ROBO1: variants seen among roughly 807,000 people sequenced by gnomAD.
ROBO1 encodes roundabout guidance receptor 1.
A neutral mutation model predicts 195.9 loss-of-function variants in ROBO1; 149 were observed. That is an observed-to-expected ratio of 0.76 (90% CI 0.67 to 0.87). The LOEUF is 0.87. ROBO1 is among the 40% of genes least tolerant of loss of function. The pLI, the probability that ROBO1 is intolerant of heterozygous loss-of-function variation, is 0.00. For synonymous variants in ROBO1, 816 were observed against 733.2 expected (o/e 1.11, Z -1.82); for missense variants, 1,933 against 2,068.3 (o/e 0.93, Z 1.27).
At chr3:79,317,518 T>C (rs532153386) in intron 2 of ROBO1, among the ~76,000 whole-genome samples, 2 of 152,276 alleles carry the variant, frequency 1.3e-5, no homozygotes, top group African/African-American at 4.8e-5. Flanking sequence ...GTCTACAGGA[T>C]AAAATGAAAA....
At chr3:78,639,979 C>T in intron 21 of ROBO1, 81 bp from the exon 22 acceptor site, 2 of 1,161,940 alleles carry the variant, frequency 1.7e-6, no homozygotes, top group Non-Finnish European at 2.4e-6. Context: ...ATAAATTCCT[C>T]ATCTTGTTAT....
At chr3:78,637,548 T>G (rs1705597072) in intron 22 of ROBO1, among the ~76,000 whole-genome samples, 1 of 152,118 alleles carries the variant, frequency 6.6e-6, no homozygotes, top group Admixed American at 6.6e-5. Context: ...AGGGACTGAG[T>G]TTTAAACTAT....
chr3:79,488,555 A>C (rs1939280931), intron 2 of ROBO1, among the ~76,000 whole-genome samples: 1 of 152,226 alleles, frequency 6.6e-6, no homozygotes. Context: ...AATAAAAAGA[A>C]TAGAAATCAT....
Position 78,693,449 on chromosome 3 carries a change from ATTC to A in ROBO1, c.1046-4680_1046-4678del, listed in dbSNP as rs2081220124. On this transcript the variant is annotated intron_variant, in intron 8 of 30. Coordinates refer to ENST00000464233, the MANE Select transcript of ROBO1 (RefSeq NM_002941.4). ...AGTAATAAGATTTGACTTAACAATGATTCTTCTTTTAAGATAAAGAACATGTTA... is the reference window on the plus strand; with the variant it reads ...AGTAATAAGATTTGACTTAACAATGATTCTTTTAAGATAAAGAACATGTTA... 50 of 925,750 alleles carry A rather than the reference ATTC, an allele frequency of 5.4e-5. 1 individual carries two copies. In the South Asian group the frequency reaches 7.0e-4, roughly 13 times the overall value. 57.3% of individuals were successfully genotyped at this position (925,750 alleles called of 1,614,324 possible). A position where few individuals can be genotyped will look rare whatever the true frequency, so the allele number is the denominator to read the frequency against.
In ROBO1 at chr3:78,659,809, TATTAA is replaced by T; in HGVS notation, c.2321-7_2321-3del. The T allele has an allele frequency of 3.1e-6, 5 of 1,599,772 alleles. No homozygotes were observed. Among genetic ancestry groups the T allele is most frequent in the Non-Finnish European group, 4.3e-6 (5 of 1,173,434 alleles). On this transcript the variant is annotated splice_region_variant and splice_polypyrimidine_tract_variant and intron_variant, in intron 16 of 30. Transcript: ENST00000464233. ...CACCTTGGGGTGGGGCACTGGGTGC[TATTAA>T]ATTGTTTTAAAAGGTAGGTTATTAG... is the stretch of plus-strand genomic sequence containing the variant.
chr3:79,736,178 C>G (rs1290499633), intron 1 of ROBO1, among the ~76,000 whole-genome samples: 2 of 152,194 alleles, frequency 1.3e-5, no homozygotes, highest in Admixed American at 1.3e-4. Context: ...TGGAGAGAAG[C>G]ATTTCAGGTA....
chr3:79,667,773 AT>A (rs1946515934), intron 1 of ROBO1, among the ~76,000 whole-genome samples: 1 of 151,736 alleles, frequency 6.6e-6, no homozygotes, highest in African/African-American at 2.4e-5. Flanking sequence ...CACTACCTTC[AT>A]TTGTATTTTT....
chr3:78,956,910 T>C (rs2041077204), intron 3 of ROBO1, among the ~76,000 whole-genome samples: 1 of 151,970 alleles, frequency 6.6e-6, no homozygotes, highest in Admixed American at 6.6e-5. Flanking sequence ...GTGGTATAAA[T>C]ACAAGAATTA....
intron 3 of ROBO1, among the ~76,000 whole-genome samples, chr3:78,989,163 C>CT (rs35919793): frequency 1.3e-5 from 2 of 151,856 alleles, no homozygotes; most frequent in Admixed American, 1.3e-4. Context: ...TTTCAAATAG[C>CT]TAGAAGGAGG....
At chr3:78,906,872 A>G (rs946167918) in intron 4 of ROBO1, among the ~76,000 whole-genome samples, 15 of 151,838 alleles carry the variant, frequency 9.9e-5, no homozygotes, top group Non-Finnish European at 1.8e-4. Flanking sequence ...AAATTTTTTG[A>G]AAAAAAAGAC....
intron 25 of ROBO1, among the ~76,000 whole-genome samples, chr3:78,628,761 C>T (rs1704986688): frequency 1.3e-5 from 2 of 152,144 alleles, no homozygotes; most frequent in African/African-American, 4.8e-5. Flanking sequence ...CCTACTTATC[C>T]AAACTAGAAA....
At chr3:79,524,302 C>A (rs1228986281) in intron 2 of ROBO1, among the ~76,000 whole-genome samples, 3 of 151,836 alleles carry the variant, frequency 2.0e-5, no homozygotes, top group African/African-American at 7.3e-5. Flanking sequence ...TCCATTTAGA[C>A]AGCATAGCAT....
chr3:78,810,460 T>G (rs375612983), intron 4 of ROBO1, among the ~76,000 whole-genome samples: 141 of 152,278 alleles, frequency 9.3e-4, no homozygotes, highest in Middle Eastern at 6.8e-3. Context: ...GAGGGTGGTT[T>G]TCATTATTGA....
chr3:79,566,664 T>TAA (rs1471464152), intron 2 of ROBO1, among the ~76,000 whole-genome samples: 1 of 151,996 alleles, frequency 6.6e-6, no homozygotes, highest in African/African-American at 2.4e-5. Flanking sequence ...CAGGAATGTT[T>TAA]AAAAGATAAT....
At chr3:79,754,287 A>T (rs1704268398) in intron 1 of ROBO1, among the ~76,000 whole-genome samples, 1 of 152,160 alleles carries the variant, frequency 6.6e-6, no homozygotes, top group Non-Finnish European at 1.5e-5. Context: ...AGGAAAGCAG[A>T]GAGAGAGAAC....
intron 2 of ROBO1, among the ~76,000 whole-genome samples, chr3:79,575,321 C>CAAATATATATAAATATATATATAAA (rs1560007663): frequency 7.9e-5 from 8 of 100,816 alleles, no homozygotes; most frequent in African/African-American, 3.7e-4. Context: ...ATATATATAA[C>CAAATATATATAAATATATATATAAA]ATATATATAA....
At chr3:79,654,591 TTCTG>T (rs1398555642) in intron 1 of ROBO1, among the ~76,000 whole-genome samples, 1 of 152,028 alleles carries the variant, frequency 6.6e-6, no homozygotes, top group Non-Finnish European at 1.5e-5. Context: ...ACTTTAGTTG[TTCTG>T]TCTATTCATC....
intron 2 of ROBO1, among the ~76,000 whole-genome samples, chr3:79,397,814 AT>A (rs1316020625): frequency 6.6e-6 from 1 of 152,220 alleles, no homozygotes; most frequent in Non-Finnish European, 1.5e-5. Flanking sequence ...GTGCTTTTGC[AT>A]TAAGCTACTT....
chr3:79,016,158 T>G (rs924170241), intron 3 of ROBO1, among the ~76,000 whole-genome samples: 4 of 152,184 alleles, frequency 2.6e-5, no homozygotes, highest in African/African-American at 9.7e-5. Flanking sequence ...GTCACTTGAG[T>G]TCTGTGAAGT....
Sources: allele counts gnomAD v4.1 joint callset (sites outside exome capture counted in the v4.1 genomes callset), GRCh38; gene constraint gnomAD v4.1.1; transcripts MANE v1.5; gene names NCBI Gene and HGNC (gene_info 2026-07-23, HGNC 2026-07-21).